Variants in ERBB4 observed in about 807,000 individuals in gnomAD.
ERBB4 encodes erb-b2 receptor tyrosine kinase 4.
Under a neutral mutation model 158.0 loss-of-function variants are expected in ERBB4, and 42 were observed. That is an observed-to-expected ratio of 0.27 (90% CI 0.21 to 0.34). The LOEUF is 0.34. Ranked by LOEUF, ERBB4 falls within the 10% of genes least tolerant of loss-of-function variation. ERBB4 has a pLI of 1.00. For synonymous variants in ERBB4, 583 were observed against 558.7 expected, an observed-to-expected ratio of 1.04 and a Z score of -0.61; for missense variants, 1,333 against 1,624.1, an observed-to-expected ratio of 0.82 and a Z score of 3.08.
intron 2 of ERBB4, among the ~76,000 whole-genome samples, chr2:212,019,429 A>G (rs1389702489): frequency 6.6e-6 from 1 of 152,182 alleles, no homozygotes; most frequent in Non-Finnish European, 1.5e-5. Context: ...ACACTAACAT[A>G]AAATGATGAA....
intron 1 of ERBB4, among the ~76,000 whole-genome samples, chr2:212,401,747 T>C (rs566206538): frequency 3.4e-4 from 52 of 152,222 alleles, no homozygotes; most frequent in Admixed American, 2.0e-3. Context: ...TCCTTGGCAA[T>C]CTATTACTGT....
chr2:211,980,009 A>C (rs758781649), intron 2 of ERBB4, among the ~76,000 whole-genome samples: 1 of 152,202 alleles, frequency 6.6e-6, no homozygotes, highest in Non-Finnish European at 1.5e-5. Flanking sequence ...TAACATGCTG[A>C]GAGTGAGATT....
At chr2:212,324,143 A>C (rs992251136) in intron 1 of ERBB4, among the ~76,000 whole-genome samples, 1 of 150,770 alleles carries the variant, frequency 6.6e-6, no homozygotes, top group Non-Finnish European at 1.5e-5. Context: ...TGCTTTCGGC[A>C]GCCGTCTTAT....
intron 20 of ERBB4, among the ~76,000 whole-genome samples, chr2:211,552,818 C>T (rs2125704871): frequency 6.6e-6 from 1 of 152,222 alleles, no homozygotes; most frequent in Admixed American, 6.5e-5. Flanking sequence ...AATAGTAAGT[C>T]AAACAAATAT....
intron 9 of ERBB4, among the ~76,000 whole-genome samples, chr2:211,705,965 G>T (rs558875608): frequency 6.6e-6 from 1 of 151,944 alleles, no homozygotes; most frequent in Non-Finnish European, 1.5e-5. Context: ...GAACCATCTT[G>T]TTCCTATCTA....
At chr2:212,194,474 T>A (rs986068125) in intron 1 of ERBB4, among the ~76,000 whole-genome samples, 2 of 152,072 alleles carry the variant, frequency 1.3e-5, no homozygotes, top group Non-Finnish European at 2.9e-5. Context: ...AATACTATGT[T>A]ACCTGTTACT....
At chr2:212,231,074 G>A (rs1439486976) in intron 1 of ERBB4, among the ~76,000 whole-genome samples, 1 of 151,822 alleles carries the variant, frequency 6.6e-6, no homozygotes, top group Admixed American at 6.6e-5. Flanking sequence ...TATGAACAAT[G>A]CCAGAAATGT....
chr2:212,451,004 C>T lies in ERBB4; in HGVS notation c.82+87445G>A, dbSNP rs931955344. On this transcript the variant is annotated intron_variant, in intron 1 of 27. Transcript: ENST00000342788. ...AAATTAGCCAGGTGTAGTGTCACAT[C>T]CGTGTAGTCCTGGCTAATTTTTTTA... 2.0e-5 allele frequency among the ~76,000 whole-genome samples: 3 copies of T among 151,844 alleles called. No homozygotes were observed. In the East Asian group the frequency reaches 5.8e-4, roughly 29 times the overall value.
intron 14 of ERBB4, among the ~76,000 whole-genome samples, chr2:211,670,993 G>A (rs761588971): frequency 1.1e-4 from 17 of 151,938 alleles, no homozygotes; most frequent in Admixed American, 3.3e-4. Context: ...TTTCAGACAT[G>A]GGATTTTTTT....
intron 16 of ERBB4, among the ~76,000 whole-genome samples, chr2:211,652,801 A>G (rs2071043551): frequency 6.6e-6 from 1 of 152,222 alleles, no homozygotes; most frequent in Non-Finnish European, 1.5e-5. Context: ...AATGCTTGAT[A>G]TCTAGCTGTT....
chr2:212,394,800 A>G (rs74727184), intron 1 of ERBB4, among the ~76,000 whole-genome samples: 1,933 of 152,248 alleles, frequency 0.013, 40 homozygotes, highest in African/African-American at 0.045. Flanking sequence ...AATTGAAAAA[A>G]TATTCAAAGC....
intron 1 of ERBB4, among the ~76,000 whole-genome samples, chr2:212,207,048 A>T (rs2082785711): frequency 6.6e-6 from 1 of 152,048 alleles, no homozygotes; most frequent in Admixed American, 6.6e-5. Context: ...AATTAAGTAG[A>T]CTGACATTTA....
In ERBB4 at chr2:211,638,922, C is replaced by T. The variant is rs1430127120; in HGVS notation, c.1947-8328G>A. 4.6e-5 allele frequency among the ~76,000 whole-genome samples: 7 copies of T among 152,110 alleles called. No homozygotes were observed. In the East Asian group the frequency reaches 1.3e-3, roughly 29 times the overall value. On this transcript the variant is annotated intron_variant, in intron 16 of 27. Transcript: ENST00000342788. The stretch of plus-strand genomic sequence containing the variant: ...TTTTGGGGAAGTACATAAACTTATA[C>T]ACTTGACTTTCTGGCAAACATTCTC...
rs374140247 is a variant in ERBB4, at chr2:211,661,835, C to A, written c.1871+3488G>T. On this transcript the variant is annotated intron_variant, in intron 15 of 27. Transcript: ENST00000342788. ...CGGGCGGATCACGAGGTCAGGAGAT[C>A]GAGACCATCCCGGCTAAAACGGTGA... Among the ~76,000 whole-genome samples the A allele has an allele frequency of 1.2e-4, 18 of 150,772 alleles. No homozygotes were observed. The East Asian group carries it at 2.7e-3, about 23-fold the overall frequency.
At chr2:211,605,724 G>T (rs903214544) in intron 19 of ERBB4, among the ~76,000 whole-genome samples, 1 of 151,932 alleles carries the variant, frequency 6.6e-6, no homozygotes, top group African/African-American at 2.4e-5. Context: ...ATGTTTATTA[G>T]AACATGCCAG....
chr2:211,948,716 C>A (rs1201613286), intron 2 of ERBB4, among the ~76,000 whole-genome samples: 2 of 151,690 alleles, frequency 1.3e-5, no homozygotes, highest in Admixed American at 6.6e-5. Flanking sequence ...ATTTTAATAC[C>A]AATTTCATGT....
At chr2:211,776,403 G>A (rs1033276695) in intron 4 of ERBB4, among the ~76,000 whole-genome samples, 5 of 152,166 alleles carry the variant, frequency 3.3e-5, no homozygotes, top group Non-Finnish European at 7.3e-5. Context: ...CCATAGGGGT[G>A]TGGTTGAGCA....
rs2079608834 is a variant in ERBB4, at chr2:211,913,802, G to T, written c.421+33628C>A. Among the ~76,000 whole-genome samples the T allele has an allele frequency of 1.3e-5, 2 of 151,472 alleles. 1 individual carries two copies. Among genetic ancestry groups the T allele is most frequent in the African/African-American group, 4.8e-5 (2 of 41,308 alleles). ...GCTATGATTTCTATTGACTATGAGT[G>T]TATCAATTAGAAAATAAACAAAATT... On this transcript the variant is annotated intron_variant, in intron 3 of 27. Coordinates refer to ENST00000342788, the MANE Select transcript of ERBB4 (RefSeq NM_005235.3).
chr2:212,211,331 C>T (rs1201895654), intron 1 of ERBB4, among the ~76,000 whole-genome samples: 1 of 152,078 alleles, frequency 6.6e-6, no homozygotes, highest in Non-Finnish European at 1.5e-5. Flanking sequence ...ACACATCGCA[C>T]ACATACATAC....
Sources: allele counts gnomAD v4.1 joint callset (sites outside exome capture counted in the v4.1 genomes callset), GRCh38; gene constraint gnomAD v4.1.1; transcripts MANE v1.5; gene names NCBI Gene and HGNC (gene_info 2026-07-23, HGNC 2026-07-21).